The following PHACTR1 variants were observed in gnomAD, a reference collection of about 807,000 sequenced individuals.
PHACTR1 encodes RPEL repeat containing 1.
In PHACTR1, 16 loss-of-function variants were observed where a neutral mutation model predicts 69.2. The ratio of observed to expected loss-of-function variants is 0.23; its 90% CI spans 0.16 to 0.35. The LOEUF is 0.35. PHACTR1 is among the 10% of genes least tolerant of loss of function. PHACTR1 has a pLI of 1.00. For missense variants in PHACTR1, 510 were observed against 734.7 expected, an observed-to-expected ratio of 0.69 and a Z score of 3.54; for synonymous variants, 312 against 284.5, an observed-to-expected ratio of 1.10 and a Z score of -0.97.
intron 4 of PHACTR1, among the ~76,000 whole-genome samples, chr6:12,876,753 G>C (rs1782560985): frequency 6.6e-6 from 1 of 152,174 alleles, no homozygotes; most frequent in Non-Finnish European, 1.5e-5. Flanking sequence ...TATAGATATA[G>C]ATTAGATATA....
chr6:13,021,722 G>A (rs1801004223), intron 4 of PHACTR1, among the ~76,000 whole-genome samples: 1 of 152,186 alleles, frequency 6.6e-6, no homozygotes, highest in Non-Finnish European at 1.5e-5. Flanking sequence ...TAGCCACCCT[G>A]CAGGACTTTT....
At chr6:13,122,726 G>C (rs942488315) in intron 5 of PHACTR1, among the ~76,000 whole-genome samples, 1 of 152,150 alleles carries the variant, frequency 6.6e-6, no homozygotes, top group East Asian at 1.9e-4. Flanking sequence ...GATACTGTTA[G>C]GTATAATTCC....
intron 7 of PHACTR1, among the ~76,000 whole-genome samples, chr6:13,204,045 A>G (rs1039882863): frequency 1.3e-5 from 2 of 152,162 alleles, no homozygotes; most frequent in African/African-American, 2.4e-5. Context: ...TCTGGGCCAT[A>G]GGAGAGATTC....
At chr6:13,010,003 C>T (rs991849445) in intron 4 of PHACTR1, among the ~76,000 whole-genome samples, 2 of 152,204 alleles carry the variant, frequency 1.3e-5, no homozygotes, top group Admixed American at 6.5e-5. Flanking sequence ...ACCCTCCCCA[C>T]CCCACACCCC....
chr6:13,114,579 A>G (rs151047906), intron 5 of PHACTR1, among the ~76,000 whole-genome samples: 95 of 152,360 alleles, frequency 6.2e-4, no homozygotes, highest in Non-Finnish European at 1.2e-3. Context: ...TAGAGTTAAA[A>G]TGTAATTTCT....
rs145970095 is a variant in PHACTR1, at chr6:13,192,713, C to G, written c.664+10027C>G. Among the ~76,000 whole-genome samples the G allele has an allele frequency of 2.0e-4, 30 of 152,324 alleles. No homozygotes were observed. In the East Asian group the frequency reaches 5.6e-3, roughly 28 times the overall value. On this transcript the variant is annotated intron_variant, in intron 7 of 14. Transcript: ENST00000332995. ...ACATGAAATTGCAAAGGGCACCAAGCTTCCTTCCTTTTGCATATTTTCTAA... is the reference window on the plus strand; with the variant it reads ...ACATGAAATTGCAAAGGGCACCAAGGTTCCTTCCTTTTGCATATTTTCTAA...
chr6:13,027,156 C>G (rs1185590997), intron 4 of PHACTR1, among the ~76,000 whole-genome samples: 1 of 152,034 alleles, frequency 6.6e-6, no homozygotes, highest in South Asian at 2.1e-4. Context: ...AAGAGGGTAC[C>G]GGGTACCGAG....
intron 4 of PHACTR1, among the ~76,000 whole-genome samples, chr6:13,044,249 A>G (rs549995336): frequency 1.3e-5 from 2 of 152,180 alleles, no homozygotes; most frequent in Non-Finnish European, 2.9e-5. Flanking sequence ...AATATGAAGT[A>G]TTTGACATAA....
intron 5 of PHACTR1, among the ~76,000 whole-genome samples, chr6:13,139,265 G>A (rs528732314): frequency 2.0e-5 from 3 of 152,096 alleles, no homozygotes; most frequent in African/African-American, 4.8e-5. Flanking sequence ...GCATATTTTT[G>A]TAAATAAAGT....
intron 3 of PHACTR1, among the ~76,000 whole-genome samples, chr6:12,719,623 A>C (rs1761850674): frequency 6.6e-6 from 1 of 152,208 alleles, no homozygotes; most frequent in East Asian, 1.9e-4. Flanking sequence ...GAAGGAGGAC[A>C]ATGTCCCTAT....
At chr6:12,728,709 G>C (rs1467852417) in intron 3 of PHACTR1, among the ~76,000 whole-genome samples, 1 of 152,060 alleles carries the variant, frequency 6.6e-6, no homozygotes, top group Non-Finnish European at 1.5e-5. Flanking sequence ...TAATTTTCAG[G>C]TAATATGTAA....
chr6:12,793,082 G>T (rs1157581524), intron 4 of PHACTR1, among the ~76,000 whole-genome samples: 1 of 152,058 alleles, frequency 6.6e-6, no homozygotes, highest in African/African-American at 2.4e-5. Flanking sequence ...TTAAATAAAA[G>T]GACAATTATT....
chr6:13,273,955 T>C (rs1227028507), intron 11 of PHACTR1: 1 of 136,430 alleles, frequency 7.3e-6, no homozygotes, highest in East Asian at 2.4e-4. Flanking sequence ...AACCGCAGTG[T>C]GAGTTTGCCG....
At chr6:12,741,037 G>A (rs772501952) in intron 3 of PHACTR1, among the ~76,000 whole-genome samples, 3 of 151,072 alleles carry the variant, frequency 2.0e-5, no homozygotes, top group South Asian at 2.1e-4. Context: ...CTTACCTCCC[G>A]TTTGCTTTAG....
At chr6:12,901,379 C>A (rs1233708237) in intron 4 of PHACTR1, among the ~76,000 whole-genome samples, 5 of 151,680 alleles carry the variant, frequency 3.3e-5, no homozygotes, top group Non-Finnish European at 5.9e-5. Flanking sequence ...GTAATGTGAT[C>A]CAAAAAGCTA....
At chr6:13,078,255 G>C (rs936755376) in intron 5 of PHACTR1, among the ~76,000 whole-genome samples, 2 of 152,136 alleles carry the variant, frequency 1.3e-5, no homozygotes, top group African/African-American at 4.8e-5. Flanking sequence ...TCCTTGGCTT[G>C]TAGAAGCATC....
chr6:12,908,127 A>G (rs1310664224), intron 4 of PHACTR1, among the ~76,000 whole-genome samples: 1 of 152,080 alleles, frequency 6.6e-6, no homozygotes, highest in African/African-American at 2.4e-5. Context: ...TATTGATCTA[A>G]TATCTATCTC....
Position 13,245,593 on chromosome 6 carries a change from C to A in PHACTR1, c.1391+15400C>A, listed in dbSNP as rs1460591431. Among the ~76,000 whole-genome samples, 1 of 152,134 alleles carries A rather than the reference C, an allele frequency of 6.6e-6. No individual in the cohort carries two copies. Among genetic ancestry groups the A allele is most frequent in the Admixed American group, 6.5e-5 (1 of 15,272 alleles). ...ACGTATAGTTTGCAAATATTTTCTC[C>A]CATTCTGTAGCTTGTCTGTTTACTC... On this transcript the variant is annotated intron_variant, in intron 10 of 14. Transcript: ENST00000332995. The surrounding 1 kb of genome is among the most constrained non-coding windows in gnomAD (Gnocchi z 4.1).
At chr6:12,850,318 G>A (rs760623989) in intron 4 of PHACTR1, among the ~76,000 whole-genome samples, 2 of 152,204 alleles carry the variant, frequency 1.3e-5, no homozygotes, top group Non-Finnish European at 2.9e-5. Flanking sequence ...ACTGCTGATC[G>A]ATGCCTGCAC....
Sources: gnomAD v4.1 joint callset for allele counts (sites outside exome capture counted in the v4.1 genomes callset) on GRCh38, gnomAD v4.1.1 for gene constraint, Gnocchi (gnomAD v3.1) non-coding constraint, MANE v1.5 for transcripts, NCBI Gene and HGNC (gene_info 2026-07-23, HGNC 2026-07-21) for gene names.